CYP7B1: variants seen among roughly 807,000 people sequenced by gnomAD.
The protein encoded by CYP7B1 is cytochrome P450 family 7 subfamily B member 1.
A neutral mutation model predicts 42.7 loss-of-function variants in CYP7B1; 29 were observed. The observed-to-expected ratio is 0.68, with a 90% confidence interval of 0.51 to 0.93. The LOEUF is 0.93. CYP7B1 is among the 40% of genes least tolerant of loss of function. The pLI, the probability that CYP7B1 is intolerant of heterozygous loss-of-function variation, is 0.00. For synonymous variants in CYP7B1, 235 were observed against 218.2 expected (o/e 1.08, Z -0.68); for missense variants, 655 against 600.5 (o/e 1.09, Z -0.95).
chr8:64,593,232 GGTGTGTGT>G lies in CYP7B1; in HGVS notation c.*3402_*3409del, dbSNP rs57590025. ...TGGTGGACTAAAGGCTAGGGCCCAG[GGTGTGTGT>G]GTGTGTGTGTGTGTGTGTGTGTGTG... On this transcript the variant is annotated 3_prime_UTR_variant, in exon 6 of 6. Transcript: ENST00000310193. Among the ~76,000 whole-genome samples the G allele has an allele frequency of 0.07, 8,616 of 123,272 alleles. 616 individuals carry two copies. Among genetic ancestry groups the G allele is most frequent in the African/African-American group, 0.19 (6,543 of 35,062 alleles). The allele number at this position is 123,272 out of a possible 152,430, so 80.9% of individuals were successfully genotyped here.
chr8:64,617,265 C>A (rs1223278121), intron 2 of CYP7B1, among the ~76,000 whole-genome samples: 1 of 152,152 alleles, frequency 6.6e-6, no homozygotes, highest in Non-Finnish European at 1.5e-5. Flanking sequence ...GGGGGTCCTA[C>A]CAGTGTCCTT....
Position 64,595,972 on chromosome 8 carries a change from G to T in CYP7B1, c.*670C>A, listed in dbSNP as rs570140848. Among the ~76,000 whole-genome samples, 1 of 152,168 alleles carries T rather than the reference G, an allele frequency of 6.6e-6. No homozygotes were observed. The highest frequency in any genetic ancestry group is 2.1e-4 in the South Asian group (1 of 4,818). ...TTTTCTTATACATTAAATCTTATCA[G>T]TATCTAACTTGAACATGAAAGGTCT... is the stretch of plus-strand genomic sequence containing the variant. On this transcript the variant is annotated 3_prime_UTR_variant, in exon 6 of 6. Coordinates refer to ENST00000310193, the MANE Select transcript of CYP7B1 (RefSeq NM_004820.5).
At chr8:64,655,561 A>G (rs1265647046) in intron 1 of CYP7B1, among the ~76,000 whole-genome samples, 2 of 152,216 alleles carry the variant, frequency 1.3e-5, no homozygotes, top group African/African-American at 2.4e-5. Context: ...GAACCCTTAC[A>G]CTGTTGGTGG....
At chr8:64,645,977 G>A (rs557322811) in intron 1 of CYP7B1, among the ~76,000 whole-genome samples, 1 of 152,284 alleles carries the variant, frequency 6.6e-6, no homozygotes, top group Admixed American at 6.5e-5. Context: ...AAATGGTGGT[G>A]GGAAAACTGG....
At chr8:64,798,310 T>C (rs1281513706) in intron 1 of CYP7B1, among the ~76,000 whole-genome samples, 156 bp downstream of exon 1, 8 of 152,228 alleles carry the variant, frequency 5.3e-5, no homozygotes, top group Non-Finnish European at 1.2e-4. Context: ...AGAAGAAGCC[T>C]TTGTTATTAC....
chr8:64,707,408 G>T (rs1164331341), intron 1 of CYP7B1, among the ~76,000 whole-genome samples: 2 of 152,066 alleles, frequency 1.3e-5, no homozygotes, highest in African/African-American at 4.8e-5. Flanking sequence ...TATCTAGGGG[G>T]TTTTATTTGG....
chr8:64,601,497 G>A (rs1488164205), intron 5 of CYP7B1, among the ~76,000 whole-genome samples: 4 of 152,072 alleles, frequency 2.6e-5, no homozygotes, highest in South Asian at 2.1e-4. Context: ...CTATAGCTCC[G>A]GTTCTGTATC....
intron 1 of CYP7B1, among the ~76,000 whole-genome samples, chr8:64,733,423 C>G (rs536990703): frequency 9.2e-5 from 14 of 152,314 alleles, no homozygotes; most frequent in Non-Finnish European, 1.6e-4. Flanking sequence ...CACCCACCAT[C>G]TGAGGACCAA....
At chr8:64,773,983 T>C (rs553963245) in intron 1 of CYP7B1, among the ~76,000 whole-genome samples, 3 of 152,296 alleles carry the variant, frequency 2.0e-5, no homozygotes, top group South Asian at 4.1e-4. Flanking sequence ...TGGGATTAAG[T>C]TTCTAACACA....
At chr8:64,724,437 G>A (rs1412685927) in intron 1 of CYP7B1, among the ~76,000 whole-genome samples, 7 of 152,034 alleles carry the variant, frequency 4.6e-5, no homozygotes, top group African/African-American at 1.2e-4. Context: ...GTGAGCCACC[G>A]CGCCCAGCCA....
chr8:64,626,710 T>C (rs1352136055), intron 1 of CYP7B1, among the ~76,000 whole-genome samples: 1 of 152,098 alleles, frequency 6.6e-6, no homozygotes, highest in Non-Finnish European at 1.5e-5. Context: ...TGATTTAAAG[T>C]AAAAAAGGTA....
intron 1 of CYP7B1, among the ~76,000 whole-genome samples, chr8:64,658,077 G>A (rs1180239294): frequency 6.6e-6 from 1 of 152,028 alleles, no homozygotes; most frequent in South Asian, 2.1e-4. Context: ...CTTTTATGAG[G>A]ACACTATTCC....
chr8:64,642,255 AT>A (rs980475161), intron 1 of CYP7B1, among the ~76,000 whole-genome samples: 10 of 150,548 alleles, frequency 6.6e-5, no homozygotes, highest in African/African-American at 2.5e-4. Flanking sequence ...TTCCTCTTCT[AT>A]TTTAAATTTT....
At chr8:64,737,472 A>T (rs1226172613) in intron 1 of CYP7B1, among the ~76,000 whole-genome samples, 1 of 152,254 alleles carries the variant, frequency 6.6e-6, no homozygotes, top group Non-Finnish European at 1.5e-5. Flanking sequence ...TCAGCTTGGC[A>T]TTAAAATCTG....
intron 1 of CYP7B1, among the ~76,000 whole-genome samples, chr8:64,706,652 T>C (rs923789899): frequency 2.0e-5 from 3 of 152,124 alleles, no homozygotes; most frequent in African/African-American, 7.2e-5. Flanking sequence ...TTTCATCCCT[T>C]ATTAAAAATA....
chr8:64,734,243 C>T lies in CYP7B1; in HGVS notation c.122+64223G>A, dbSNP rs1413952888. On this transcript the variant is annotated intron_variant, in intron 1 of 5. Coordinates refer to ENST00000310193, the MANE Select transcript of CYP7B1 (RefSeq NM_004820.5). ...GTGTGCCCCAAAAGGACAGAGATCA[C>T]ATCTGCCTTTTTTACCTCTGGATCC... The T allele has an allele frequency of 5.9e-5, 9 of 152,266 alleles. No homozygotes were observed. In the East Asian group the frequency reaches 1.4e-3, roughly 23 times the overall value. 9.4% of individuals were successfully genotyped at this position (152,266 alleles called of 1,614,324 possible).
At chr8:64,590,493 ACT>A (rs992883265), downstream of CYP7B1, among the ~76,000 whole-genome samples, 41 of 151,176 alleles carry the variant, frequency 2.7e-4, no homozygotes, top group African/African-American at 1.0e-3. Flanking sequence ...CCTGCTGAAA[ACT>A]CTCTCCCATT....
At chr8:64,616,303 G>C in intron 2 of CYP7B1, 22 bp from the exon 3 acceptor site, 2 of 1,367,834 alleles carry the variant, frequency 1.5e-6, no homozygotes, top group Non-Finnish European at 2.0e-6. Flanking sequence ...AAAAGAGAGA[G>C]AAAATATGAG....
At position 64,615,199 on chromosome 8, in the gene CYP7B1, G is replaced by A. The variant is rs1213197549; in HGVS notation, c.884C>T (p.Ala295Val). 8 of 1,613,358 alleles carry A rather than the reference G, an allele frequency of 5.0e-6. No individual in the cohort carries two copies. The highest frequency in any genetic ancestry group is 1.3e-5 in the African/African-American group (1 of 74,988). Residue 295 changes from alanine to valine, a missense_variant, in exon 4 of 6, where the codon GCA becomes GTA. Coordinates refer to ENST00000310193, the MANE Select transcript of CYP7B1 (RefSeq NM_004820.5). Reference protein sequence around the residue: ...HHLGFLWASVANTIPTMFWAM... With the variant: ...HHLGFLWASVVNTIPTMFWAM... ...CCAGAACATAGTTGGAATAGTGTTT[G>A]CCACAGAGGCCCAGAGAAAGCCTAA...
Sources: allele counts gnomAD v4.1 joint callset (sites outside exome capture counted in the v4.1 genomes callset), GRCh38; gene constraint gnomAD v4.1.1; transcripts MANE v1.5; gene names NCBI Gene and HGNC (gene_info 2026-07-23, HGNC 2026-07-21).